PRKAR1A: variants seen among roughly 807,000 people sequenced by gnomAD.
PRKAR1A encodes the protein protein kinase cAMP-dependent type I regulatory subunit alpha, also known as cAMP-dependent protein kinase type I-alpha regulatory subunit.
Under a neutral mutation model 52.0 loss-of-function variants are expected in PRKAR1A, and 3 were observed. The observed-to-expected ratio is 0.06, with a 90% CI of 0.03 to 0.15. PRKAR1A has a LOEUF of 0.15. Ranked by LOEUF, PRKAR1A falls within the 10% of genes least tolerant of loss-of-function variation. The pLI, the probability that PRKAR1A is intolerant of heterozygous loss-of-function variation, is 1.00. For missense variants in PRKAR1A, 240 were observed against 477.4 expected, an observed-to-expected ratio of 0.50 and a Z score of 4.63; for synonymous variants, 188 against 168.4, an observed-to-expected ratio of 1.12 and a Z score of -0.90.
At chr17:68,434,020 T>C in the PRKAR1A span, among the ~76,000 whole-genome samples, 1 of 152,008 alleles carries the variant, frequency 6.6e-6, no homozygotes, top group Non-Finnish European at 1.5e-5. Flanking sequence ...TCTGCCTGCC[T>C]TGGCCTCCCA....
chr17:68,500,239 A>G, the PRKAR1A span, among the ~76,000 whole-genome samples: 1 of 152,198 alleles, frequency 6.6e-6, no homozygotes, highest in African/African-American at 2.4e-5. Context: ...TGTAGCTCCC[A>G]TAATTCCCAC....
At chr17:68,430,194 G>A in the PRKAR1A span, 1 of 1,582,526 alleles carries the variant, frequency 6.3e-7, no homozygotes. Flanking sequence ...GATGGGACTG[G>A]GCTGCAGGCC....
the PRKAR1A span, chr17:68,420,158 A>C: frequency 6.2e-7 from 1 of 1,609,838 alleles, no homozygotes; most frequent in Non-Finnish European, 8.5e-7. Context: ...TGTCAGGGTT[A>C]GCGAGGCATT....
chr17:68,505,060 G>A, the PRKAR1A span, among the ~76,000 whole-genome samples: 1 of 152,176 alleles, frequency 6.6e-6, no homozygotes, highest in South Asian at 2.1e-4. Context: ...TAATTTGGGA[G>A]GCCAAGGCAG....
At chr17:68,436,589 G>T in the PRKAR1A span, 1 of 961,822 alleles carries the variant, frequency 1.0e-6, no homozygotes, top group Non-Finnish European at 1.6e-6. Flanking sequence ...CTGGCAAGGG[G>T]AGGAATGGCT....
chr17:68,444,915 C>CTTTT, the PRKAR1A span, among the ~76,000 whole-genome samples: 2 of 89,086 alleles, frequency 2.2e-5, no homozygotes, highest in African/African-American at 4.8e-5. Context: ...ATCCTGAACA[C>CTTTT]TTTTTTTTTT....
chr17:68,466,441 T>C, the PRKAR1A span, among the ~76,000 whole-genome samples: 1 of 140,972 alleles, frequency 7.1e-6, no homozygotes, highest in Non-Finnish European at 1.5e-5. Flanking sequence ...AGACAGAGTC[T>C]CACTCTGTCA....
Position 68,515,588 on chromosome 17 carries a change from T to C in PRKAR1A, c.177+12T>C. On this transcript the variant is annotated intron_variant, in intron 2 of 10. Coordinates refer to ENST00000589228, the MANE Select transcript of PRKAR1A (RefSeq NM_002734.5). Reference sequence around the variant, plus strand: ...AGAGGTTGGAGAAGGTAAAAATAAATGTGGGGAGATGATGAGGTGATTGTG... The same window carrying C: ...AGAGGTTGGAGAAGGTAAAAATAAACGTGGGGAGATGATGAGGTGATTGTG... 6.2e-7 allele frequency: 1 copy of C among 1,609,472 alleles called. No homozygotes were observed. Among genetic ancestry groups the C allele is most frequent in the Middle Eastern group, 2.2e-4 (1 of 4,472 alleles).
the PRKAR1A span, among the ~76,000 whole-genome samples, chr17:68,416,720 C>T: frequency 2.1e-4 from 32 of 152,212 alleles, no homozygotes; most frequent in Non-Finnish European, 1.9e-4. Flanking sequence ...ACCTTGTCTT[C>T]GAGCTCTGAA....
At chr17:68,416,084 T>A in the PRKAR1A span, among the ~76,000 whole-genome samples, 2 of 152,296 alleles carry the variant, frequency 1.3e-5, no homozygotes, top group African/African-American at 2.4e-5. Context: ...GCCTTGGTTT[T>A]TTTGTTTTTG....
chr17:68,469,081 C>T, the PRKAR1A span, among the ~76,000 whole-genome samples: 6 of 152,172 alleles, frequency 3.9e-5, no homozygotes, highest in Non-Finnish European at 8.8e-5. Flanking sequence ...TTCTCCTGAG[C>T]AGTTGAAAGA....
chr17:68,452,989 G>C, the PRKAR1A span: 1 of 1,612,544 alleles, frequency 6.2e-7, no homozygotes, highest in African/African-American at 1.3e-5. Context: ...CAGTTGCTAG[G>C]GATCTGTGGA....
the PRKAR1A span, among the ~76,000 whole-genome samples, chr17:68,467,064 G>T: frequency 6.6e-6 from 1 of 152,154 alleles, no homozygotes; most frequent in Non-Finnish European, 1.5e-5. Flanking sequence ...TGTTTTCAAG[G>T]TTCATCCACG....
upstream of PRKAR1A, among the ~76,000 whole-genome samples, chr17:68,509,614 C>T (rs1410462206): frequency 1.3e-5 from 2 of 152,182 alleles, no homozygotes; most frequent in East Asian, 3.8e-4. Context: ...TACAGTGGAA[C>T]AAATGTCATT....
chr17:68,439,325 C>T, the PRKAR1A span, among the ~76,000 whole-genome samples: 1 of 152,250 alleles, frequency 6.6e-6, no homozygotes, highest in South Asian at 2.1e-4. Context: ...ATACATGCTA[C>T]AACACAGAAG....
the PRKAR1A span, chr17:68,428,540 A>C: frequency 1.5e-5 from 4 of 262,648 alleles, no homozygotes; most frequent in East Asian, 9.2e-5. Context: ...GTGGCAGGGA[A>C]TATTTTTGAA....
At chr17:68,450,836 G>A in the PRKAR1A span, 1 of 1,614,202 alleles carries the variant, frequency 6.2e-7, no homozygotes, top group Non-Finnish European at 8.5e-7. Flanking sequence ...TTGTGTGACT[G>A]ACTACCACCA....
intron 11 of PRKAR1A, among the ~76,000 whole-genome samples, chr17:68,542,432 A>AATC (rs2086344035): frequency 6.6e-6 from 1 of 152,180 alleles, no homozygotes; most frequent in African/African-American, 2.4e-5. Flanking sequence ...CTGGGTGGAT[A>AATC]ACCTCTGGTT....
In PRKAR1A at chr17:68,531,849, G is replaced by A. The variant is rs1600499940; in HGVS notation, c.*1400G>A. 1.9e-6 allele frequency: 2 copies of A among 1,036,222 alleles called. No individual in the cohort carries two copies. The highest frequency in any genetic ancestry group is 4.7e-5 in the South Asian group (1 of 21,360). The allele number at this position is 1,036,222 out of a possible 1,614,324, so 64.2% of individuals were successfully genotyped here. Reference sequence around the variant, plus strand: ...TTTTTAAACAAAATTTCACAGTTCTGTAATGTAGGCACTTTTATTTTCATT... The same window carrying A: ...TTTTTAAACAAAATTTCACAGTTCTATAATGTAGGCACTTTTATTTTCATT... On this transcript the variant is annotated 3_prime_UTR_variant, in exon 11 of 11. Coordinates refer to ENST00000589228, the MANE Select transcript of PRKAR1A (RefSeq NM_002734.5).
Sources: gnomAD v4.1 joint callset for allele counts (sites outside exome capture counted in the v4.1 genomes callset) on GRCh38, gnomAD v4.1.1 for gene constraint, MANE v1.5 for transcripts, NCBI Gene and HGNC (gene_info 2026-07-23, HGNC 2026-07-21) for gene names.